DMD: variants seen among roughly 807,000 people sequenced by gnomAD.
DMD encodes the protein mutant dystrophin.
DMD carries 63 observed loss-of-function variants against 330.1 expected under a neutral mutation model. The ratio of observed to expected loss-of-function variants is 0.19; its 90% CI spans 0.16 to 0.24. The LOEUF (loss-of-function observed/expected upper bound fraction) is 0.24. Among genes scored for constraint, DMD ranks in the 10% least tolerant of loss-of-function variants. The pLI is 1.00. For synonymous variants in DMD, 1,223 were observed against 959.8 expected (o/e 1.27, Z -5.07); for missense variants, 3,344 against 2,684.1 (o/e 1.25, Z -5.43).
At chrX:32,358,709 C>T (rs980752317) in intron 37 of DMD, among the ~76,000 whole-genome samples, 1 of 111,166 alleles carries the variant, frequency 9.0e-6, no homozygotes, top group African/African-American at 3.3e-5. Context: ...ATAGCAAAGA[C>T]ACGATTTTCT....
At chrX:32,379,357 A>C (rs146167336) in intron 34 of DMD, among the ~76,000 whole-genome samples, 1,141 of 110,887 alleles carry the variant, frequency 0.01, 56 homozygotes, top group Admixed American at 0.096. Flanking sequence ...TGCAAAGGTC[A>C]TTACCTTATA....
chrX:32,225,608 A>C (rs1473925569), intron 43 of DMD, among the ~76,000 whole-genome samples: 2 of 111,281 alleles, frequency 1.8e-5, no homozygotes, highest in East Asian at 5.7e-4. Flanking sequence ...GTGAGAGGTG[A>C]CTGGATCATC....
chrX:32,541,521 G>A (rs1375506403), intron 17 of DMD, among the ~76,000 whole-genome samples: 1 of 112,276 alleles, frequency 8.9e-6, no homozygotes, highest in Admixed American at 9.5e-5. Context: ...TAATTTGCCT[G>A]CGCTCATAAG....
intron 1 of DMD, among the ~76,000 whole-genome samples, chrX:33,059,246 T>C (rs1308750267): frequency 9.0e-6 from 1 of 111,636 alleles, no homozygotes; most frequent in East Asian, 2.8e-4. Context: ...TCCTTGACTA[T>C]GTTTACTTAA....
At chrX:33,297,776 T>C (rs967781265) in intron 1 of DMD, among the ~76,000 whole-genome samples, 2 of 111,124 alleles carry the variant, frequency 1.8e-5, no homozygotes, top group Non-Finnish European at 3.8e-5. Context: ...ATATAAAATG[T>C]TGAACTTATA....
At chrX:32,719,318 G>A (rs2066030257) in intron 7 of DMD, among the ~76,000 whole-genome samples, 1 of 111,794 alleles carries the variant, frequency 8.9e-6, no homozygotes, top group African/African-American at 3.2e-5. Context: ...AGCTTCTAGA[G>A]GTTTACATGA....
chrX:33,111,994 G>C (rs1041300901), intron 1 of DMD, among the ~76,000 whole-genome samples: 1 of 110,920 alleles, frequency 9.0e-6, no homozygotes, highest in Non-Finnish European at 1.9e-5. Context: ...AATCTCAATT[G>C]TTTGCCAAAT....
intron 9 of DMD, among the ~76,000 whole-genome samples, chrX:32,688,421 T>C (rs1603032845): frequency 8.9e-6 from 1 of 112,404 alleles, no homozygotes; most frequent in African/African-American, 3.2e-5. Flanking sequence ...TTTTGACTTA[T>C]ATTTTTAAGA....
At chrX:31,436,093 T>C (rs1488325526) in intron 60 of DMD, among the ~76,000 whole-genome samples, 1 of 112,019 alleles carries the variant, frequency 8.9e-6, no homozygotes, top group African/African-American at 3.2e-5. Context: ...AATACATGCA[T>C]GCATAAATAC....
intron 7 of DMD, among the ~76,000 whole-genome samples, chrX:32,725,589 C>T (rs2066783536): frequency 9.1e-6 from 1 of 110,235 alleles, no homozygotes; most frequent in African/African-American, 3.3e-5. Flanking sequence ...AAGGATACAA[C>T]AATTGCAAAT....
At chrX:32,213,126 T>G (rs190789681) in intron 44 of DMD, among the ~76,000 whole-genome samples, 137 of 112,439 alleles carry the variant, frequency 1.2e-3, no homozygotes, top group Non-Finnish European at 2.1e-3. Context: ...ATTGTACATA[T>G]GAGGCTTCAG....
intron 76 of DMD, among the ~76,000 whole-genome samples, chrX:31,143,562 C>A (rs1024206027): frequency 8.9e-6 from 1 of 111,947 alleles, no homozygotes; most frequent in Non-Finnish European, 1.9e-5. Context: ...TTTCAGAGGA[C>A]AAATTTAACA....
chrX:32,856,000 C>A (rs2081524269), intron 2 of DMD, among the ~76,000 whole-genome samples: 1 of 111,428 alleles, frequency 9.0e-6, no homozygotes, highest in Non-Finnish European at 1.9e-5. Flanking sequence ...GAAAGAAGGG[C>A]AAAAATTTGA....
At chrX:31,997,493 T>A (rs1312596347) in intron 44 of DMD, among the ~76,000 whole-genome samples, 2 of 109,670 alleles carry the variant, frequency 1.8e-5, no homozygotes, top group African/African-American at 6.6e-5. Context: ...AACTAACTCT[T>A]TAAACACTAA....
chrX:32,976,214 C>T (rs1245396475), intron 2 of DMD, among the ~76,000 whole-genome samples: 3 of 19,550 alleles, frequency 1.5e-4, no homozygotes, highest in South Asian at 5.2e-3. Context: ...GAACGAGACT[C>T]GTCTCAAAAA....
chrX:32,126,705 A>G (rs2096663530), intron 44 of DMD, among the ~76,000 whole-genome samples: 2 of 111,886 alleles, frequency 1.8e-5, no homozygotes, highest in African/African-American at 6.5e-5. Flanking sequence ...ACAACAGTCT[A>G]TCAGCTAGAA....
chrX:32,120,100 A>G (rs2096628432), intron 44 of DMD, among the ~76,000 whole-genome samples: 1 of 112,605 alleles, frequency 8.9e-6, no homozygotes, highest in South Asian at 3.6e-4. Context: ...TCAGAAGGAA[A>G]AAACAGTTTA....
At chrX:33,033,666 C>T (rs1450747428) in intron 1 of DMD, among the ~76,000 whole-genome samples, 1 of 109,142 alleles carries the variant, frequency 9.2e-6, no homozygotes, top group African/African-American at 3.3e-5. Context: ...TGCAGTGAGC[C>T]GAGATCGCGC....
chrX:32,613,943 A>G (rs1216508425), intron 12 of DMD, among the ~76,000 whole-genome samples: 2 of 110,599 alleles, frequency 1.8e-5, no homozygotes, highest in Non-Finnish European at 3.8e-5. Context: ...GCATCTGGTG[A>G]GGGCCTTTTC....
Sources: gnomAD v4.1 joint callset for allele counts (sites outside exome capture counted in the v4.1 genomes callset) on GRCh38, gnomAD v4.1.1 for gene constraint, MANE v1.5 for transcripts, NCBI Gene and HGNC (gene_info 2026-07-23, HGNC 2026-07-21) for gene names.